SLC2A13: variants seen among roughly 807,000 people sequenced by gnomAD.
SLC2A13 encodes the protein solute carrier family 2 member 13, also known as proton myo-inositol cotransporter.
A neutral mutation model predicts 64.4 loss-of-function variants in SLC2A13; 32 were observed. That is an observed-to-expected ratio of 0.50 (90% CI 0.37 to 0.67). The LOEUF (loss-of-function observed/expected upper bound fraction) is 0.67, where lower values mean the gene tolerates loss of function less well. SLC2A13 is among the 30% of genes least tolerant of loss of function. The pLI is 0.00. For synonymous variants in SLC2A13, 338 were observed against 327.1 expected, an observed-to-expected ratio of 1.03 and a Z score of -0.36; for missense variants, 743 against 829.2, an observed-to-expected ratio of 0.90 and a Z score of 1.28.
Position 40,105,262 on chromosome 12 carries a change from G to C in SLC2A13, c.547C>G (p.Leu183Val). ...CGGAGCCCGAACTCACCGATGCCGA[G>C]TCCCACGACCAGGCGGCCGGCGAGC... ...TLLAGRLVVG[L>V]GIGIASMTVP... is the part of the protein sequence containing the mutation. The change falls in exon 1 of 10, where the codon CTC becomes GTC. Residue 183 changes from leucine (L) to valine (V), a missense_variant. Transcript: ENST00000280871. The surrounding 1 kb of genome is among the most constrained non-coding windows in gnomAD (Gnocchi z 4.2). 1 of 1,593,672 alleles carries C rather than the reference G, an allele frequency of 6.3e-7. No individual in the cohort carries two copies. The highest frequency in any genetic ancestry group is 8.5e-7 in the Non-Finnish European group (1 of 1,172,890).
chr12:39,880,298 C>T (rs556535943), intron 4 of SLC2A13, among the ~76,000 whole-genome samples: 5 of 152,206 alleles, frequency 3.3e-5, no homozygotes, highest in Non-Finnish European at 5.9e-5. Flanking sequence ...ACATCAATAG[C>T]TTTAATAGAA....
rs1187953630 is a variant in SLC2A13, at chr12:39,818,927, T to C, written c.1445+11176A>G. ...AGCAGAATTCCGATTGCCTGTTTCC[T>C]AAGCCAATTAATTAAAAAACAACAT... is the stretch of plus-strand genomic sequence containing the variant. On this transcript the variant is annotated intron_variant, in intron 7 of 9. Coordinates refer to ENST00000280871, the MANE Select transcript of SLC2A13 (RefSeq NM_052885.4). 2.6e-5 allele frequency among the ~76,000 whole-genome samples: 4 copies of C among 152,188 alleles called. No homozygotes were observed. The East Asian group carries it at 7.7e-4, about 29-fold the overall frequency.
At chr12:39,998,400 G>A (rs1159887155) in intron 3 of SLC2A13, among the ~76,000 whole-genome samples, 2 of 152,204 alleles carry the variant, frequency 1.3e-5, no homozygotes, top group Non-Finnish European at 2.9e-5. Flanking sequence ...GTGGGAAGGG[G>A]GTGAGGAATA....
intron 6 of SLC2A13, among the ~76,000 whole-genome samples, chr12:39,860,433 G>C (rs1943728412): frequency 6.6e-6 from 1 of 152,198 alleles, no homozygotes; most frequent in Non-Finnish European, 1.5e-5. Context: ...TTGTGAACAA[G>C]ATGTTGCCCA....
chr12:39,988,960 C>T (rs1450830975), intron 3 of SLC2A13, among the ~76,000 whole-genome samples: 3 of 152,128 alleles, frequency 2.0e-5, no homozygotes, highest in Non-Finnish European at 4.4e-5. Context: ...CATCTCTTTC[C>T]CAAATTATTC....
intron 1 of SLC2A13, among the ~76,000 whole-genome samples, chr12:40,058,013 T>C (rs1017663297): frequency 1.1e-4 from 17 of 151,884 alleles, no homozygotes; most frequent in Non-Finnish European, 2.1e-4. Flanking sequence ...CAAATGTCCC[T>C]ATGCTGCTTA....
chr12:39,823,419 A>G (rs968735166), intron 7 of SLC2A13, among the ~76,000 whole-genome samples: 8 of 151,054 alleles, frequency 5.3e-5, no homozygotes, highest in Non-Finnish European at 1.2e-4. Context: ...TTCTAAATAC[A>G]AAAGTGATAT....
At chr12:40,082,157 C>T (rs1369603616) in intron 1 of SLC2A13, among the ~76,000 whole-genome samples, 3 of 152,166 alleles carry the variant, frequency 2.0e-5, no homozygotes, top group Non-Finnish European at 4.4e-5. Context: ...ATGTGTGCAC[C>T]AGTGACAGTG....
intron 1 of SLC2A13, among the ~76,000 whole-genome samples, chr12:40,052,169 C>G (rs1359994928): frequency 6.6e-6 from 1 of 152,020 alleles, no homozygotes; most frequent in East Asian, 1.9e-4. Context: ...ATAATAAGGT[C>G]AGGTCATAGA....
intron 3 of SLC2A13, among the ~76,000 whole-genome samples, chr12:39,972,015 T>TATATATATATATATA (rs1491210436): frequency 2.7e-4 from 22 of 80,930 alleles, no homozygotes; most frequent in African/African-American, 4.0e-4. Flanking sequence ...TATATATATA[T>TATATATATATATATA]TTTTTTTTAT....
chr12:40,068,107 A>C (rs1481363183), intron 1 of SLC2A13: 1 of 182,032 alleles, frequency 5.5e-6, no homozygotes, highest in African/African-American at 2.4e-5. Flanking sequence ...ACAGGGTCTC[A>C]CTATGTTGCC....
chr12:39,996,180 T>C (rs1947226347), intron 3 of SLC2A13, among the ~76,000 whole-genome samples: 1 of 152,204 alleles, frequency 6.6e-6, no homozygotes, highest in Non-Finnish European at 1.5e-5. Flanking sequence ...TAAAGGTGAC[T>C]CTTGTTATGT....
chr12:40,098,935 G>C (rs562717053), intron 1 of SLC2A13, among the ~76,000 whole-genome samples: 4 of 152,302 alleles, frequency 2.6e-5, no homozygotes, highest in Non-Finnish European at 4.4e-5. Context: ...GCAGGGTGGC[G>C]CTAAAATCAG....
At chr12:39,991,245 T>A (rs189072935) in intron 3 of SLC2A13, among the ~76,000 whole-genome samples, 11 of 152,244 alleles carry the variant, frequency 7.2e-5, no homozygotes, top group African/African-American at 9.6e-5. Context: ...TAAGTCCATT[T>A]GCTTTAAAAC....
chr12:39,883,015 G>A (rs1944382198), intron 4 of SLC2A13, among the ~76,000 whole-genome samples: 1 of 152,104 alleles, frequency 6.6e-6, no homozygotes, highest in Non-Finnish European at 1.5e-5. Flanking sequence ...TTACATGAAT[G>A]AATGGGTTCA....
rs1416852460 is a variant in SLC2A13 at position 39,983,527 on chromosome 12, C to T, written c.926-32162G>A. Among the ~76,000 whole-genome samples the T allele has an allele frequency of 9.3e-5, 3 of 32,186 alleles. 1 individual carries two copies. Among genetic ancestry groups the T allele is most frequent in the African/African-American group, 3.5e-4 (3 of 8,616 alleles). 21.1% of individuals were successfully genotyped at this position (32,186 alleles called of 152,430 possible). On this transcript the variant is annotated intron_variant, in intron 3 of 9. Coordinates refer to ENST00000280871, the MANE Select transcript of SLC2A13 (RefSeq NM_052885.4). ...TCAAAAAGTGGGCAAAGGACATGAA[C>T]AGACACTTCTCAAAAGAAGACATTT...
At chr12:40,087,814 A>C (rs1938633304) in intron 1 of SLC2A13, among the ~76,000 whole-genome samples, 1 of 152,214 alleles carries the variant, frequency 6.6e-6, no homozygotes, top group Non-Finnish European at 1.5e-5. Context: ...GAAGGGGTTA[A>C]TTTGTACAAA....
rs545125256 is a variant in SLC2A13, at chr12:39,953,436, A to G, written c.926-2071T>C. On this transcript the variant is annotated intron_variant, in intron 3 of 9. Coordinates refer to ENST00000280871, the MANE Select transcript of SLC2A13 (RefSeq NM_052885.4). ...GAATTTCCTTTCATTAAAATTATGAACCTAGCTTTATTAGGCAGTAAAACT... is the reference window on the plus strand; with the variant it reads ...GAATTTCCTTTCATTAAAATTATGAGCCTAGCTTTATTAGGCAGTAAAACT... Among the ~76,000 whole-genome samples, 12 of 152,284 alleles carry G rather than the reference A, an allele frequency of 7.9e-5. No individual in the cohort carries two copies. The South Asian group carries it at 2.5e-3, about 32-fold the overall frequency.
At chr12:40,083,057 C>A (rs1938467240) in intron 1 of SLC2A13, among the ~76,000 whole-genome samples, 1 of 152,118 alleles carries the variant, frequency 6.6e-6, no homozygotes, top group South Asian at 2.1e-4. Context: ...TCTAGTCAGC[C>A]ATCTTGTTAA....
Sources: allele counts gnomAD v4.1 joint callset (sites outside exome capture counted in the v4.1 genomes callset), GRCh38; gene constraint gnomAD v4.1.1; non-coding constraint Gnocchi (gnomAD v3.1); transcripts MANE v1.5; gene names NCBI Gene and HGNC (gene_info 2026-07-23, HGNC 2026-07-21).